Variants in ARHGAP26 observed in about 807,000 individuals in gnomAD.
ARHGAP26 encodes the protein Rho GTPase activating protein 26, also known as rho GTPase-activating protein 26.
Under a neutral mutation model 104.8 loss-of-function variants are expected in ARHGAP26, and 38 were observed. The observed-to-expected ratio is 0.36, with a 90% CI of 0.28 to 0.48. The LOEUF (loss-of-function observed/expected upper bound fraction) is 0.48, where lower values mean the gene tolerates loss of function less well. Among genes scored for constraint, ARHGAP26 ranks in the 20% least tolerant of loss-of-function variants. The pLI is 0.99. For synonymous variants in ARHGAP26, 341 were observed against 340.0 expected (o/e 1.00, Z -0.03); for missense variants, 704 against 947.9 (o/e 0.74, Z 3.38).
At chr5:142,936,182 A>G (rs535715437) in intron 11 of ARHGAP26, among the ~76,000 whole-genome samples, 5 of 152,026 alleles carry the variant, frequency 3.3e-5, no homozygotes, top group African/African-American at 1.2e-4. Flanking sequence ...CAGCAAGGTC[A>G]CAGGATACAA....
At chr5:142,851,529 G>A (rs532433533) in intron 1 of ARHGAP26, among the ~76,000 whole-genome samples, 3 of 152,278 alleles carry the variant, frequency 2.0e-5, no homozygotes, top group Admixed American at 6.5e-5. Context: ...GAACAGCTTG[G>A]CATTTTGCCC....
chr5:143,073,418 C>T (rs1788545182), intron 17 of ARHGAP26, among the ~76,000 whole-genome samples: 1 of 152,106 alleles, frequency 6.6e-6, no homozygotes, highest in South Asian at 2.1e-4. Flanking sequence ...CTGAGCCAGA[C>T]TGAGGTAAAG....
rs559821870 is a variant in ARHGAP26, at chr5:143,082,037, G to A, written c.1538+24290G>A. The stretch of plus-strand genomic sequence containing the variant: ...AAAAAAAAAAAAAAAAAAAAAAATG[G>A]TAGCTTTTGTCTGAGTAACTCTTTC... On this transcript the variant is annotated intron_variant, in intron 17 of 22. Transcript: ENST00000645722. 9.3e-5 allele frequency among the ~76,000 whole-genome samples: 14 copies of A among 151,204 alleles called. No homozygotes were observed. In the East Asian group the frequency reaches 2.3e-3, roughly 25 times the overall value.
chr5:143,061,116 C>G (rs1462937501), intron 17 of ARHGAP26, among the ~76,000 whole-genome samples: 1 of 152,144 alleles, frequency 6.6e-6, no homozygotes, highest in Non-Finnish European at 1.5e-5. Flanking sequence ...GCATGATTTA[C>G]TTTTGCAAGA....
At position 143,057,711 on chromosome 5, in the gene ARHGAP26, G is replaced by C; in HGVS notation, c.1502G>C (p.Arg501Pro). Residue 501 changes from arginine to proline, a missense_variant, in exon 17 of 23, where the codon CGG (arginine) becomes CCG (proline). Transcript: ENST00000645722. Reference sequence around the variant, plus strand: ...GTTCATCGGCTCCCAGAGAAAAATCGGCAGATGTTACAGCTGCTCATGAAC... The same window carrying C: ...GTTCATCGGCTCCCAGAGAAAAATCCGCAGATGTTACAGCTGCTCATGAAC... ...SLVHRLPEKN[R>P]QMLQLLMNHL... is the part of the protein sequence containing the mutation. 1 of 1,613,776 alleles carries C rather than the reference G, an allele frequency of 6.2e-7. No homozygotes were observed. Among genetic ancestry groups the C allele is most frequent in the Non-Finnish European group, 8.5e-7 (1 of 1,179,834 alleles).
At chr5:143,046,046 A>T (rs963481421) in intron 14 of ARHGAP26, among the ~76,000 whole-genome samples, 31 of 152,218 alleles carry the variant, frequency 2.0e-4, no homozygotes, top group African/African-American at 7.5e-4. Context: ...AGGCAGGAGA[A>T]CTGCTTGAAC....
At chr5:143,157,458 G>T (rs1040999057) in intron 20 of ARHGAP26, among the ~76,000 whole-genome samples, 1 of 152,188 alleles carries the variant, frequency 6.6e-6, no homozygotes, top group East Asian at 1.9e-4. Context: ...GACTACAGGC[G>T]TGAGCCACCA....
At chr5:143,114,818 A>G (rs2150741529) in intron 17 of ARHGAP26, among the ~76,000 whole-genome samples, 1 of 152,260 alleles carries the variant, frequency 6.6e-6, no homozygotes, top group East Asian at 1.9e-4. Context: ...CGTATCTCTT[A>G]GAGGAAAAAG....
chr5:143,225,324 A>G lies in ARHGAP26; in HGVS notation c.*2878A>G, dbSNP rs1811568719. ...TGTCTCAGCCTCCCAAGTAGCTGGG[A>G]CTACAGGCATGAGCCATCACACCCA... is the stretch of plus-strand genomic sequence containing the variant. On this transcript the variant is annotated 3_prime_UTR_variant, in exon 23 of 23. Coordinates refer to ENST00000645722, the MANE Select transcript of ARHGAP26 (RefSeq NM_001135608.3). 2 of 182,068 alleles carry G rather than the reference A, an allele frequency of 1.1e-5. No individual in the cohort carries two copies. The highest frequency in any genetic ancestry group is 2.4e-5 in the African/African-American group (1 of 42,472). The allele number at this position is 182,068 out of a possible 1,614,324, so 11.3% of individuals were successfully genotyped here. A position where few individuals can be genotyped will look rare whatever the true frequency, so the allele number is the denominator to read the frequency against.
chr5:142,798,550 T>C (rs920688122), intron 1 of ARHGAP26, among the ~76,000 whole-genome samples: 2 of 152,188 alleles, frequency 1.3e-5, no homozygotes, highest in Non-Finnish European at 2.9e-5. Context: ...AATGGAGTAT[T>C]GTGTAGCATT....
chr5:142,836,581 T>A (rs1389094970), intron 1 of ARHGAP26, among the ~76,000 whole-genome samples: 2 of 152,228 alleles, frequency 1.3e-5, no homozygotes, highest in African/African-American at 4.8e-5. Context: ...TTTTGAGACA[T>A]CTCGAGGCCT....
At chr5:143,010,036 C>T (rs762728125) in intron 11 of ARHGAP26, among the ~76,000 whole-genome samples, 5 of 152,222 alleles carry the variant, frequency 3.3e-5, no homozygotes, top group Non-Finnish European at 7.3e-5. Context: ...TCAAAGTGAT[C>T]TTTCAGGACA....
chr5:143,034,615 T>G (rs1487092049), intron 12 of ARHGAP26, among the ~76,000 whole-genome samples: 1 of 152,146 alleles, frequency 6.6e-6, no homozygotes, highest in Non-Finnish European at 1.5e-5. Context: ...TATGGGTTTT[T>G]GGGGTAGGGA....
chr5:143,180,012 C>T (rs1804070376), intron 20 of ARHGAP26, among the ~76,000 whole-genome samples: 1 of 152,166 alleles, frequency 6.6e-6, no homozygotes, highest in Non-Finnish European at 1.5e-5. Flanking sequence ...TCTTTGGTGG[C>T]ACCACACTCT....
rs368251763 is a variant in ARHGAP26, at chr5:142,903,656, C to T, written c.819C>T (p.Tyr273=). The T allele has an allele frequency of 3.2e-5, 51 of 1,613,472 alleles. No individual in the cohort carries two copies. In the African/African-American group the frequency reaches 4.9e-4, roughly 16 times the overall value. The change falls in exon 8 of 23, where the codon TAC becomes TAT. Residue 273 remains tyrosine (Y), a synonymous_variant. Transcript: ENST00000645722. ...ISPYTMEGYL[Y]VQEKRHFGTS... is the part of the protein sequence containing the mutation. ...CCTACACCATGGAGGGATACCTCTA[C>T]GTGCAGGAGAAACGTGAGTGCTTTG... is the stretch of plus-strand genomic sequence containing the variant.
intron 3 of ARHGAP26, among the ~76,000 whole-genome samples, chr5:142,877,043 G>GA (rs1285557630): frequency 6.6e-6 from 1 of 152,054 alleles, no homozygotes; most frequent in African/African-American, 2.4e-5. Context: ...TAGTATTTGG[G>GA]GGTGGGGGTG....
chr5:143,075,143 A>C (rs929289218), intron 17 of ARHGAP26, among the ~76,000 whole-genome samples: 5 of 152,232 alleles, frequency 3.3e-5, no homozygotes, highest in Non-Finnish European at 7.3e-5. Flanking sequence ...TGTTCCATTA[A>C]AGTTAATTGT....
At chr5:142,779,577 A>G (rs1442614044) in intron 1 of ARHGAP26, among the ~76,000 whole-genome samples, 1 of 152,234 alleles carries the variant, frequency 6.6e-6, no homozygotes, top group Non-Finnish European at 1.5e-5. Context: ...CAAAAGCTCA[A>G]AAAACTCCTA....
At chr5:143,070,298 C>T (rs1043183448) in intron 17 of ARHGAP26, among the ~76,000 whole-genome samples, 1 of 152,172 alleles carries the variant, frequency 6.6e-6, no homozygotes, top group Non-Finnish European at 1.5e-5. Flanking sequence ...GTTGTCTGTC[C>T]TACAAGGTCA....
Sources: allele counts gnomAD v4.1 joint callset (sites outside exome capture counted in the v4.1 genomes callset), GRCh38; gene constraint gnomAD v4.1.1; transcripts MANE v1.5; gene names NCBI Gene and HGNC (gene_info 2026-07-23, HGNC 2026-07-21).